Variants in CNIH3 observed in about 807,000 individuals in gnomAD.
CNIH3 encodes the protein cornichon family AMPA receptor auxiliary protein 3.
Under a neutral mutation model 24.1 loss-of-function variants are expected in CNIH3, and 14 were observed. That is an observed-to-expected ratio of 0.58 (90% CI 0.38 to 0.91). The LOEUF (loss-of-function observed/expected upper bound fraction) is 0.91, where lower values mean the gene tolerates loss of function less well. Among genes scored for constraint, CNIH3 ranks in the 40% least tolerant of loss-of-function variants. CNIH3 has a pLI of 0.00. For synonymous variants in CNIH3, 68 were observed against 73.8 expected, an observed-to-expected ratio of 0.92 and a Z score of 0.40; for missense variants, 178 against 196.8, an observed-to-expected ratio of 0.90 and a Z score of 0.57.
At chr1:224,539,823 TTC>T (rs1679442900), downstream of CNIH3, among the ~76,000 whole-genome samples, 1 of 152,212 alleles carries the variant, frequency 6.6e-6, no homozygotes, top group African/African-American at 2.4e-5. Flanking sequence ...TCTTTCTGTA[TTC>T]TGTTTCTATA....
chr1:224,647,448 C>T (rs1273465126), intron 1 of CNIH3, among the ~76,000 whole-genome samples: 5 of 152,182 alleles, frequency 3.3e-5, no homozygotes, highest in Non-Finnish European at 7.3e-5. Flanking sequence ...GTCTGACCAC[C>T]CCCCTGCCTG....
At chr1:224,448,406 A>G (rs1675251559) in intron 1 of CNIH3, among the ~76,000 whole-genome samples, 1 of 152,220 alleles carries the variant, frequency 6.6e-6, no homozygotes. Context: ...GGGTTAAATT[A>G]GCAATTAAAG....
At chr1:224,463,807 T>G (rs1457997635) in intron 1 of CNIH3, among the ~76,000 whole-genome samples, 13 of 79,624 alleles carry the variant, frequency 1.6e-4, no homozygotes, top group Non-Finnish European at 3.1e-4. Context: ...TTTTTTTTTT[T>G]TTAGAGGGAG....
intron 1 of CNIH3, among the ~76,000 whole-genome samples, chr1:224,672,261 A>G (rs1357096583): frequency 6.6e-6 from 1 of 152,124 alleles, no homozygotes; most frequent in Non-Finnish European, 1.5e-5. Flanking sequence ...GGGGAGGTGT[A>G]TATTTTGGGT....
intron 3 of CNIH3, among the ~76,000 whole-genome samples, chr1:224,689,258 G>A (rs977250817): frequency 3.3e-5 from 5 of 152,210 alleles, no homozygotes; most frequent in Admixed American, 1.3e-4. Context: ...CGTGCTCATA[G>A]AGGTGTGTGA....
At chr1:224,508,235 T>G (rs1366774884) in intron 1 of CNIH3, among the ~76,000 whole-genome samples, 1 of 152,236 alleles carries the variant, frequency 6.6e-6, no homozygotes, top group African/African-American at 2.4e-5. Flanking sequence ...TCAGATATGT[T>G]TTTTTCTAGA....
chr1:224,560,969 C>A (rs979166013), intron 3 of CNIH3, among the ~76,000 whole-genome samples: 1 of 152,038 alleles, frequency 6.6e-6, no homozygotes, highest in Non-Finnish European at 1.5e-5. Context: ...ATTTGCATTT[C>A]CCTCGTGATT....
intron 3 of CNIH3, among the ~76,000 whole-genome samples, chr1:224,694,393 G>C (rs752337927): frequency 6.6e-6 from 1 of 152,180 alleles, no homozygotes; most frequent in Non-Finnish European, 1.5e-5. Flanking sequence ...GTGTCATTGA[G>C]AGGGTCCCTA....
At chr1:224,669,238 T>C (rs1437717274) in intron 1 of CNIH3, among the ~76,000 whole-genome samples, 1 of 152,144 alleles carries the variant, frequency 6.6e-6, no homozygotes, top group Non-Finnish European at 1.5e-5. Context: ...CTTTGTTTCC[T>C]GTTAACTAGA....
chr1:224,498,391 C>T (rs561800592), intron 1 of CNIH3, among the ~76,000 whole-genome samples: 1 of 152,290 alleles, frequency 6.6e-6, no homozygotes, highest in South Asian at 2.1e-4. Flanking sequence ...TTTCAGTTAA[C>T]AGGAAGCCAG....
chr1:224,550,026 A>G (rs1679851406), intron 3 of CNIH3, among the ~76,000 whole-genome samples: 1 of 151,886 alleles, frequency 6.6e-6, no homozygotes, highest in Admixed American at 6.6e-5. Context: ...ACAGGATATC[A>G]TAGAATATCA....
chr1:224,674,990 C>T (rs776886979), intron 1 of CNIH3, among the ~76,000 whole-genome samples: 34 of 152,128 alleles, frequency 2.2e-4, no homozygotes, highest in Non-Finnish European at 4.3e-4. Context: ...CCCCAGGCAG[C>T]GTAGAGGCAA....
chr1:224,435,666 G>C (rs911041130), intron 1 of CNIH3: 1 of 152,210 alleles, frequency 6.6e-6, no homozygotes, highest in African/African-American at 2.4e-5. Context: ...TTCAGATCCA[G>C]GCTTGAAATT....
At chr1:224,699,134 G>A (rs909582524) in intron 3 of CNIH3, among the ~76,000 whole-genome samples, 13 of 152,080 alleles carry the variant, frequency 8.5e-5, no homozygotes, top group African/African-American at 3.1e-4. Flanking sequence ...AGCAAGCTTG[G>A]CACCATCCCT....
chr1:224,600,060 A>G (rs1171345383), intron 3 of CNIH3, among the ~76,000 whole-genome samples: 1 of 152,152 alleles, frequency 6.6e-6, no homozygotes, highest in Non-Finnish European at 1.5e-5. Context: ...AATGCAATGT[A>G]TGCTTATATA....
At chr1:224,673,919 C>A (rs1385627711) in intron 1 of CNIH3, among the ~76,000 whole-genome samples, 1 of 152,136 alleles carries the variant, frequency 6.6e-6, no homozygotes, top group Non-Finnish European at 1.5e-5. Context: ...GACTCAGAGA[C>A]CTGGGTCCAG....
downstream of CNIH3, among the ~76,000 whole-genome samples, chr1:224,538,663 C>CTT (rs34203039): frequency 9.3e-5 from 13 of 139,796 alleles, no homozygotes; most frequent in African/African-American, 3.3e-4. Context: ...CTCTCTCTCT[C>CTT]TTTTTTTTTT....
chr1:224,711,902 G>A (rs12070517), intron 3 of CNIH3, among the ~76,000 whole-genome samples: 33,673 of 150,548 alleles, frequency 0.22, 4,034 homozygotes, highest in East Asian at 0.44. Flanking sequence ...AATTATTTCT[G>A]CTAACACTGC....
chr1:224,603,152 G>A (rs1270952226), intron 3 of CNIH3, among the ~76,000 whole-genome samples: 2 of 145,358 alleles, frequency 1.4e-5, no homozygotes, highest in Non-Finnish European at 3.0e-5. Flanking sequence ...GCAGGCAGAG[G>A]AATAGTCCAT....
Sources: allele counts gnomAD v4.1 joint callset (sites outside exome capture counted in the v4.1 genomes callset), GRCh38; gene constraint gnomAD v4.1.1; transcripts MANE v1.5; gene names NCBI Gene and HGNC (gene_info 2026-07-23, HGNC 2026-07-21).